Variants in RANBP2 observed in about 807,000 individuals in gnomAD.
The protein encoded by RANBP2 is RAN binding protein 2.
In RANBP2, 57 loss-of-function variants were observed where a neutral mutation model predicts 303.6. That is an observed-to-expected ratio of 0.19 (90% CI 0.15 to 0.23). RANBP2 has a LOEUF of 0.23. Ranked by LOEUF, RANBP2 falls within the 10% of genes least tolerant of loss-of-function variation. The pLI is 1.00. For synonymous variants in RANBP2, 1,167 were observed against 1,301.5 expected (o/e 0.90, Z 2.23); for missense variants, 3,138 against 3,780.8 (o/e 0.83, Z 4.46).
chr2:108,753,796 A>C (rs568964286), intron 14 of RANBP2, 29 bp from the exon 15 acceptor site: 82 of 1,611,800 alleles, frequency 5.1e-5, no homozygotes, highest in Admixed American at 3.3e-5. Context: ...TAAAAACCTA[A>C]TGATTTCATA....
the RANBP2 span, among the ~76,000 whole-genome samples, chr2:109,061,961 C>A: frequency 1.3e-5 from 2 of 152,146 alleles, no homozygotes; most frequent in East Asian, 1.9e-4. Flanking sequence ...CCTGAGCCTA[C>A]CCCTCCCTCA....
chr2:109,407,035 C>T, the RANBP2 span, among the ~76,000 whole-genome samples: 5 of 152,204 alleles, frequency 3.3e-5, no homozygotes, highest in Non-Finnish European at 7.3e-5. Context: ...GTGGCTCTGA[C>T]GGCTATGCTT....
At chr2:109,285,283 C>T in the RANBP2 span, among the ~76,000 whole-genome samples, 1 of 152,262 alleles carries the variant, frequency 6.6e-6, no homozygotes, top group Non-Finnish European at 1.5e-5. Flanking sequence ...CCCCTTTCCA[C>T]ACCTCCTCAT....
the RANBP2 span, among the ~76,000 whole-genome samples, chr2:109,519,223 G>T: frequency 9.9e-3 from 1,508 of 152,018 alleles, 33 homozygotes; most frequent in African/African-American, 0.035. Flanking sequence ...CCTGCCTGGT[G>T]CTACACACTT....
At chr2:109,062,822 A>AG in the RANBP2 span, among the ~76,000 whole-genome samples, 1 of 32,512 alleles carries the variant, frequency 3.1e-5, no homozygotes, top group African/African-American at 1.3e-4. Context: ...TGGGATGGTG[A>AG]GGGGGTGGAG....
chr2:108,981,155 G>A, the RANBP2 span, among the ~76,000 whole-genome samples: 863 of 152,250 alleles, frequency 5.7e-3, 7 homozygotes, highest in African/African-American at 0.02. Flanking sequence ...ACCTTCCCTC[G>A]GGGAACTGAA....
the RANBP2 span, among the ~76,000 whole-genome samples, chr2:109,050,741 G>A: frequency 6.6e-6 from 1 of 151,232 alleles, no homozygotes; most frequent in Non-Finnish European, 1.5e-5. Flanking sequence ...ATCCAGTATG[G>A]CGTCTTACAA....
chr2:108,804,954 A>T, the RANBP2 span: 5 of 1,579,100 alleles, frequency 3.2e-6, no homozygotes, highest in South Asian at 6.0e-5. Flanking sequence ...AAACCAAGAG[A>T]CTGAGGTCCT....
the RANBP2 span, among the ~76,000 whole-genome samples, chr2:108,830,207 A>G: frequency 2.6e-5 from 4 of 152,216 alleles, no homozygotes; most frequent in Non-Finnish European, 5.9e-5. Context: ...TACCTAGAAT[A>G]GTCAAATTTA....
downstream of RANBP2, among the ~76,000 whole-genome samples, chr2:108,787,502 G>T (rs1270627265): frequency 6.6e-6 from 1 of 152,106 alleles, no homozygotes; most frequent in Non-Finnish European, 1.5e-5. Context: ...AATAACCACA[G>T]TAATATTTTC....
the RANBP2 span, among the ~76,000 whole-genome samples, chr2:109,536,172 C>A: frequency 6.6e-6 from 1 of 152,098 alleles, no homozygotes; most frequent in African/African-American, 2.4e-5. Flanking sequence ...AAAAGGACCA[C>A]CATCCTCCAG....
the RANBP2 span, among the ~76,000 whole-genome samples, chr2:108,829,071 A>G: frequency 6.6e-6 from 1 of 152,218 alleles, no homozygotes; most frequent in Non-Finnish European, 1.5e-5. Context: ...GAAAATCTTC[A>G]TGATATTAGA....
chr2:109,690,682 C>T, the RANBP2 span, among the ~76,000 whole-genome samples: 16 of 151,902 alleles, frequency 1.1e-4, no homozygotes, highest in Admixed American at 4.6e-4. Flanking sequence ...CAGTGAGGGA[C>T]GAGCCAGGCC....
the RANBP2 span, among the ~76,000 whole-genome samples, chr2:109,659,993 C>G: frequency 2.0e-5 from 3 of 152,196 alleles, no homozygotes; most frequent in Non-Finnish European, 4.4e-5. Flanking sequence ...AGGCTGGGGT[C>G]AGTCCCAGTG....
the RANBP2 span, among the ~76,000 whole-genome samples, chr2:109,388,148 T>G: frequency 6.6e-6 from 1 of 152,226 alleles, no homozygotes; most frequent in African/African-American, 2.4e-5. Context: ...CTTGAAATAC[T>G]TAGGTCACTT....
the RANBP2 span, among the ~76,000 whole-genome samples, chr2:109,313,024 C>G: frequency 2.0e-5 from 3 of 152,250 alleles, no homozygotes; most frequent in African/African-American, 7.2e-5. Context: ...GACAGGTGGG[C>G]AAATCTGCAG....
the RANBP2 span, chr2:109,667,107 C>T: frequency 1.3e-5 from 12 of 949,814 alleles, no homozygotes; most frequent in South Asian, 1.7e-4. Context: ...AAATATATCC[C>T]AGTTTTTGTT....
intron 1 of RANBP2, among the ~76,000 whole-genome samples, chr2:108,724,246 TC>T (rs1694516635): frequency 6.6e-6 from 1 of 152,184 alleles, no homozygotes; most frequent in African/African-American, 2.4e-5. Context: ...CACTGCAACT[TC>T]CGCCTCCCGG....
chr2:109,315,997 A>G, the RANBP2 span, among the ~76,000 whole-genome samples: 24 of 152,310 alleles, frequency 1.6e-4, no homozygotes, highest in Non-Finnish European at 2.2e-4. Flanking sequence ...GTGAGATTAT[A>G]TGTGCATGCA....
Sources: gnomAD v4.1 joint callset for allele counts (sites outside exome capture counted in the v4.1 genomes callset) on GRCh38, gnomAD v4.1.1 for gene constraint, MANE v1.5 for transcripts, NCBI Gene and HGNC (gene_info 2026-07-23, HGNC 2026-07-21) for gene names.